The following RIC3 variants were observed in gnomAD, a reference collection of about 807,000 sequenced individuals.
RIC3 encodes RIC3 acetylcholine receptor chaperone.
A neutral mutation model predicts 27.3 loss-of-function variants in RIC3; 28 were observed. The observed-to-expected ratio is 1.02, with a 90% CI of 0.76 to 1.41. The LOEUF (loss-of-function observed/expected upper bound fraction) is 1.41, where lower values mean the gene tolerates loss of function less well. Ranked by LOEUF, RIC3 falls within the 40% of genes most tolerant of loss-of-function variation. RIC3 has a pLI of 0.00. For missense variants in RIC3, 501 were observed against 444.7 expected (o/e 1.13, Z -1.14); for synonymous variants, 184 against 160.4 (o/e 1.15, Z -1.11).
intron 1 of RIC3, among the ~76,000 whole-genome samples, chr11:8,147,053 A>G (rs942538940): frequency 2.5e-4 from 38 of 152,220 alleles, no homozygotes; most frequent in African/African-American, 8.7e-4. Flanking sequence ...AGACAGATGC[A>G]TATCTGATTG....
At chr11:8,164,617 A>C (rs1281375894) in intron 1 of RIC3, among the ~76,000 whole-genome samples, 1 of 151,918 alleles carries the variant, frequency 6.6e-6, no homozygotes, top group Admixed American at 6.6e-5. Flanking sequence ...TTTCTGCCAA[A>C]AAATTTAAAA....
downstream of RIC3, chr11:8,101,482 C>G (rs762481527): frequency 6.2e-7 from 1 of 1,614,066 alleles, no homozygotes; most frequent in Non-Finnish European, 8.5e-7. Flanking sequence ...GTGCTTGGCC[C>G]CAGCGGACTA....
chr11:8,126,595 A>G, intron 5 of RIC3, 64 bp downstream of exon 5: 1 of 1,579,800 alleles, frequency 6.3e-7, no homozygotes, highest in Non-Finnish European at 8.6e-7. Flanking sequence ...CTGATTTTTT[A>G]AAAATCTGTA....
At position 8,109,144 on chromosome 11, in the gene RIC3, G is replaced by C. The variant is rs1379398055; in HGVS notation, c.*1554C>G. ...TAACAATAAATGCCTAGTAGTAGCT[G>C]ACAGATTATCTTAATATGATCCCAT... On this transcript the variant is annotated 3_prime_UTR_variant, in exon 6 of 6. Coordinates refer to ENST00000309737, the MANE Select transcript of RIC3 (RefSeq NM_001206671.4). 3.3e-5 allele frequency: 5 copies of C among 152,180 alleles called. No individual in the cohort carries two copies. The highest frequency in any genetic ancestry group is 1.3e-4 in the Admixed American group (2 of 15,282). The allele number at this position is 152,180 out of a possible 1,614,324, so 9.4% of individuals were successfully genotyped here.
At chr11:8,130,258 AGATATAG>A (rs58805410) in intron 4 of RIC3, among the ~76,000 whole-genome samples, 7,255 of 152,224 alleles carry the variant, frequency 0.048, 260 homozygotes, top group African/African-American at 0.1. Flanking sequence ...ATTCAGGGAT[AGATATAG>A]GACCCAAGTT....
rs1186166547 is a variant in RIC3 at position 8,107,083 on chromosome 11, T to G, written c.*3615A>C. The G allele has an allele frequency of 6.6e-6, 1 of 152,224 alleles. No homozygotes were observed. Among genetic ancestry groups the G allele is most frequent in the Non-Finnish European group, 1.5e-5 (1 of 68,028 alleles). 9.4% of individuals were successfully genotyped at this position (152,224 alleles called of 1,614,324 possible). The stretch of plus-strand genomic sequence containing the variant: ...TAAGGAATGACCTAAGAGGAGAAAT[T>G]TGGGCTATTTTCTTTGTATAAAAAA... On this transcript the variant is annotated 3_prime_UTR_variant, in exon 6 of 6. Transcript: ENST00000309737.
intron 1 of RIC3, among the ~76,000 whole-genome samples, chr11:8,160,910 C>T (rs1951103971): frequency 6.6e-6 from 1 of 152,212 alleles, no homozygotes; most frequent in South Asian, 2.1e-4. Context: ...GATTAATCAT[C>T]TTACACCTGT....
At chr11:8,112,178 G>T (rs1945342276) in intron 5 of RIC3, among the ~76,000 whole-genome samples, 4 of 151,826 alleles carry the variant, frequency 2.6e-5, no homozygotes, top group Admixed American at 2.0e-4. Context: ...ATACAGGCTA[G>T]TTTAAAAAAG....
At chr11:8,161,398 TC>T (rs760762132) in intron 1 of RIC3, among the ~76,000 whole-genome samples, 2 of 152,186 alleles carry the variant, frequency 1.3e-5, no homozygotes, top group South Asian at 2.1e-4. Context: ...TCAACATCTA[TC>T]CCTTCACCTA....
chr11:8,134,751 G>A (rs953055036), intron 4 of RIC3, among the ~76,000 whole-genome samples: 2 of 152,162 alleles, frequency 1.3e-5, no homozygotes, highest in African/African-American at 4.8e-5. Flanking sequence ...GGCCAGTGAT[G>A]ATGAGCATTT....
rs1944636512 is a variant in RIC3 at position 8,106,273 on chromosome 11, A to AAAAGCCCTGTTTACTTCCTAATTTTT, written c.*4399_*4424dup. 1 of 152,200 alleles carries AAAAGCCCTGTTTACTTCCTAATTTTT rather than the reference A, an allele frequency of 6.6e-6. No homozygotes were observed. The highest frequency in any genetic ancestry group is 1.5e-5 in the Non-Finnish European group (1 of 68,036). The allele number at this position is 152,200 out of a possible 1,614,324, so 9.4% of individuals were successfully genotyped here. On this transcript the variant is annotated 3_prime_UTR_variant, in exon 6 of 6. Transcript: ENST00000309737. ...TGTGTACTTTTTTCATAAAGGGGAAAAAAGCCCTGTTTACTTCCTAATTTT... is the reference window on the plus strand; with the variant it reads ...TGTGTACTTTTTTCATAAAGGGGAAAAAAGCCCTGTTTACTTCCTAATTTTTAAAGCCCTGTTTACTTCCTAATTTT...
Position 8,108,512 on chromosome 11 carries a change from GA to G in RIC3, c.*2185del, listed in dbSNP as rs1365001245. The G allele has an allele frequency of 1.3e-5, 2 of 152,176 alleles. No individual in the cohort carries two copies. The highest frequency in any genetic ancestry group is 2.4e-5 in the African/African-American group (1 of 41,424). The allele number at this position is 152,176 out of a possible 1,614,324, so 9.4% of individuals were successfully genotyped here. A position where few individuals can be genotyped will look rare whatever the true frequency, so the allele number is the denominator to read the frequency against. On this transcript the variant is annotated 3_prime_UTR_variant, in exon 6 of 6. Transcript: ENST00000309737. ...GAACCAATGCTGTTTTACACACACT[GA>G]TGATTTCATTTAACCAGGACCTTTA...
intron 1 of RIC3, among the ~76,000 whole-genome samples, chr11:8,153,216 C>T (rs10839983): frequency 0.14 from 22,045 of 152,126 alleles, 1,863 homozygotes; most frequent in African/African-American, 0.22. Context: ...GAGTACTTTA[C>T]ATGCGGTATT....
At chr11:8,100,964 G>A in the RIC3 span, 25 of 1,614,028 alleles carry the variant, frequency 1.5e-5, no homozygotes, top group Non-Finnish European at 1.8e-5. Flanking sequence ...ACAGGCCTCC[G>A]TGAAGAACTT....
intron 1 of RIC3, among the ~76,000 whole-genome samples, chr11:8,153,619 C>T (rs1950426921): frequency 6.6e-6 from 1 of 152,148 alleles, no homozygotes; most frequent in South Asian, 2.1e-4. Flanking sequence ...AATACTTTGT[C>T]TCAGCCTGTT....
At chr11:8,121,482 G>A (rs1201497983) in intron 5 of RIC3, among the ~76,000 whole-genome samples, 1 of 152,074 alleles carries the variant, frequency 6.6e-6, no homozygotes, top group African/African-American at 2.4e-5. Flanking sequence ...TTGGGAGGTT[G>A]TGGTGGGCAG....
At chr11:8,149,592 G>A (rs560451338) in intron 1 of RIC3, among the ~76,000 whole-genome samples, 75 of 152,274 alleles carry the variant, frequency 4.9e-4, no homozygotes, top group African/African-American at 1.7e-3. Context: ...GCACTGAGAT[G>A]CAAATCACTG....
intron 1 of RIC3, among the ~76,000 whole-genome samples, chr11:8,151,891 G>T (rs1330928089): frequency 6.6e-6 from 1 of 151,268 alleles, no homozygotes; most frequent in Non-Finnish European, 1.5e-5. Context: ...ACTCCAGCCT[G>T]GGGGACAGAA....
chr11:8,111,196 T>A (rs1216030247), intron 5 of RIC3, 59 bp from the exon 6 acceptor site: 10 of 1,035,320 alleles, frequency 9.7e-6, no homozygotes, highest in East Asian at 2.5e-5. Flanking sequence ...AAAAAAAAAA[T>A]AGTGTCAGGT....
Sources: gnomAD v4.1 joint callset for allele counts (sites outside exome capture counted in the v4.1 genomes callset) on GRCh38, gnomAD v4.1.1 for gene constraint, MANE v1.5 for transcripts, NCBI Gene and HGNC (gene_info 2026-07-23, HGNC 2026-07-21) for gene names.